Variants in MAGI2 observed in about 807,000 individuals in gnomAD.
MAGI2 encodes the protein membrane associated guanylate kinase, WW and PDZ domain containing 2.
MAGI2 carries 35 observed loss-of-function variants against 133.3 expected under a neutral mutation model. That is an observed-to-expected ratio of 0.26 (90% CI 0.20 to 0.35). The LOEUF (loss-of-function observed/expected upper bound fraction) is 0.35. MAGI2 is among the 10% of genes least tolerant of loss of function. MAGI2 has a pLI of 1.00. For synonymous variants in MAGI2, 729 were observed against 710.6 expected (o/e 1.03, Z -0.41); for missense variants, 1,636 against 1,863.4 (o/e 0.88, Z 2.25).
At chr7:78,874,585 T>G (rs1399816041) in intron 2 of MAGI2, among the ~76,000 whole-genome samples, 1 of 152,144 alleles carries the variant, frequency 6.6e-6, no homozygotes, top group African/African-American at 2.4e-5. Flanking sequence ...CCAAAAAAGT[T>G]GATCTCATAG....
chr7:78,577,128 G>C (rs1802351014), intron 3 of MAGI2, among the ~76,000 whole-genome samples: 1 of 152,012 alleles, frequency 6.6e-6, no homozygotes, highest in Non-Finnish European at 1.5e-5. Flanking sequence ...GATATTTTTT[G>C]TGTAATTTAT....
At chr7:78,791,505 C>T (rs1345979204) in intron 2 of MAGI2, among the ~76,000 whole-genome samples, 1 of 150,884 alleles carries the variant, frequency 6.6e-6, no homozygotes, top group African/African-American at 2.4e-5. Context: ...GATATCACTA[C>T]AGCATTACTT....
chr7:79,242,145 CAT>C (rs1302838860), intron 1 of MAGI2, among the ~76,000 whole-genome samples: 1 of 152,064 alleles, frequency 6.6e-6, no homozygotes, highest in Non-Finnish European at 1.5e-5. Context: ...TAGTTAATAA[CAT>C]ATATTGTATA....
At chr7:78,296,378 A>G (rs1239343884) in intron 9 of MAGI2, among the ~76,000 whole-genome samples, 2 of 152,164 alleles carry the variant, frequency 1.3e-5, no homozygotes, top group South Asian at 2.1e-4. Context: ...CCCTCTGCCT[A>G]GTATGCCCTT....
chr7:78,070,139 GTA>G (rs1302034222), intron 21 of MAGI2, among the ~76,000 whole-genome samples: 4 of 122,398 alleles, frequency 3.3e-5, no homozygotes, highest in African/African-American at 9.1e-5. Flanking sequence ...ATATGTGTGT[GTA>G]TATATATACA....
intron 21 of MAGI2, among the ~76,000 whole-genome samples, chr7:78,022,672 C>T (rs1377146097): frequency 6.6e-6 from 1 of 152,184 alleles, no homozygotes; most frequent in Admixed American, 6.5e-5. Context: ...TATTTCTGAA[C>T]ATCTTACTAC....
intron 4 of MAGI2, among the ~76,000 whole-genome samples, chr7:78,511,905 C>G (rs944599867): frequency 2.1e-4 from 31 of 151,038 alleles, no homozygotes; most frequent in African/African-American, 7.3e-4. Flanking sequence ...ACCAGACTGG[C>G]TAACACGGTG....
intron 1 of MAGI2, among the ~76,000 whole-genome samples, chr7:79,353,203 T>C (rs1365436905): frequency 6.6e-6 from 1 of 152,058 alleles, no homozygotes; most frequent in Non-Finnish European, 1.5e-5. Context: ...CCCAGCTGCC[T>C]AGGACCTCCA....
At chr7:79,263,877 T>C (rs1054720522) in intron 1 of MAGI2, among the ~76,000 whole-genome samples, 1 of 152,124 alleles carries the variant, frequency 6.6e-6, no homozygotes, top group African/African-American at 2.4e-5. Context: ...AATCATTTCG[T>C]TTAGAAAAAA....
chr7:78,802,285 T>G (rs1788132294), intron 2 of MAGI2, among the ~76,000 whole-genome samples: 1 of 152,162 alleles, frequency 6.6e-6, no homozygotes, highest in African/African-American at 2.4e-5. Flanking sequence ...CATTCATGAG[T>G]GTTTTTTTAA....
At chr7:78,122,540 T>C (rs1002338723) in intron 20 of MAGI2, among the ~76,000 whole-genome samples, 2 of 152,188 alleles carry the variant, frequency 1.3e-5, no homozygotes, top group African/African-American at 4.8e-5. Context: ...AATAAGCTTA[T>C]GTGATGCTAA....
intron 1 of MAGI2, among the ~76,000 whole-genome samples, chr7:79,202,271 G>A (rs1828673997): frequency 6.6e-6 from 1 of 151,998 alleles, no homozygotes; most frequent in Admixed American, 6.6e-5. Context: ...ACCAAGACTG[G>A]AGATGGGTGG....
intron 1 of MAGI2, among the ~76,000 whole-genome samples, chr7:79,279,650 C>T (rs1048890507): frequency 2.0e-5 from 3 of 152,144 alleles, no homozygotes; most frequent in Admixed American, 6.5e-5. Context: ...GCCTCGGCAA[C>T]AGAGCAAGAC....
chr7:78,394,001 TG>T, intron 6 of MAGI2, among the ~76,000 whole-genome samples: 1 of 152,100 alleles, frequency 6.6e-6, no homozygotes, highest in East Asian at 1.9e-4. Flanking sequence ...CCAGAAAAGC[TG>T]GCAGTGTAAT....
intron 16 of MAGI2, 25 bp from the exon 17 acceptor site, chr7:78,135,231 G>A: frequency 5.0e-6 from 8 of 1,592,692 alleles, no homozygotes; most frequent in East Asian, 2.2e-5. Context: ...ACAGAAATAG[G>A]TATCAGGGAC....
At chr7:78,370,236 C>A (rs1348417912) in intron 6 of MAGI2, among the ~76,000 whole-genome samples, 4 of 152,004 alleles carry the variant, frequency 2.6e-5, no homozygotes, top group African/African-American at 9.7e-5. Context: ...CATATGTGTG[C>A]ACATACTTTT....
intron 6 of MAGI2, among the ~76,000 whole-genome samples, chr7:78,443,041 G>T (rs1426666744): frequency 6.6e-6 from 1 of 152,140 alleles, no homozygotes; most frequent in Non-Finnish European, 1.5e-5. Context: ...TACATGGTTT[G>T]TATCTTATTT....
At chr7:78,346,154 G>T in intron 7 of MAGI2, 111 bp from the exon 8 acceptor site, 1 of 1,222,384 alleles carries the variant, frequency 8.2e-7, no homozygotes, top group Non-Finnish European at 1.2e-6. Context: ...TCTGATTACA[G>T]TCAAGTGCCT....
At chr7:78,720,538 A>C (rs890816465) in intron 2 of MAGI2, among the ~76,000 whole-genome samples, 1 of 151,966 alleles carries the variant, frequency 6.6e-6, no homozygotes, top group African/African-American at 2.4e-5. Context: ...AATTTATAAA[A>C]TATTATTCAT....
Sources: gnomAD v4.1 joint callset for allele counts (sites outside exome capture counted in the v4.1 genomes callset) on GRCh38, gnomAD v4.1.1 for gene constraint, MANE v1.5 for transcripts, NCBI Gene and HGNC (gene_info 2026-07-23, HGNC 2026-07-21) for gene names.